The following SAMSN1 variants were observed in gnomAD, a reference collection of about 807,000 sequenced individuals.
SAMSN1 encodes the protein SAM domain-containing protein SAMSN-1.
Under a neutral mutation model 42.0 loss-of-function variants are expected in SAMSN1, and 31 were observed. That is an observed-to-expected ratio of 0.74 (90% CI 0.55 to 1.00). The LOEUF (loss-of-function observed/expected upper bound fraction) is 1.00, where lower values mean the gene tolerates loss of function less well. Ranked by LOEUF, SAMSN1 falls within the 50% of genes least tolerant of loss-of-function variation. SAMSN1 has a pLI of 0.00. For synonymous variants in SAMSN1, 178 were observed against 151.9 expected (o/e 1.17, Z -1.26); for missense variants, 464 against 439.4 (o/e 1.06, Z -0.50).
In SAMSN1 at chr21:14,633,333, A is replaced by G. The variant is rs1983380582; in HGVS notation, c.156+9669T>C. Among the ~76,000 whole-genome samples, 3 of 152,232 alleles carry G rather than the reference A, an allele frequency of 2.0e-5. No individual in the cohort carries two copies. The South Asian group carries it at 6.2e-4, about 32-fold the overall frequency. ...CCTTCTGCACTACCAAAAGGAAAGTAATAGAGTTTAATGTTGGACAACGCT... is the reference window on the plus strand; with the variant it reads ...CCTTCTGCACTACCAAAAGGAAAGTGATAGAGTTTAATGTTGGACAACGCT... On this transcript the variant is annotated intron_variant, in intron 2 of 15. Transcript: ENST00000647101.
chr21:14,578,232 C>G (rs983568702), intron 2 of SAMSN1, among the ~76,000 whole-genome samples: 1 of 152,032 alleles, frequency 6.6e-6, no homozygotes, highest in Admixed American at 6.6e-5. Context: ...CTGAAACCAC[C>G]TTACAGAGTT....
intron 1 of SAMSN1, among the ~76,000 whole-genome samples, chr21:14,531,790 C>A (rs1015721465): frequency 3.9e-5 from 6 of 152,032 alleles, no homozygotes; most frequent in African/African-American, 1.4e-4. Context: ...AAAACAAAAT[C>A]CTTTTAACCA....
At chr21:14,556,742 T>C (rs1980774077) in intron 2 of SAMSN1, among the ~76,000 whole-genome samples, 2 of 152,164 alleles carry the variant, frequency 1.3e-5, no homozygotes, top group Non-Finnish European at 1.5e-5. Context: ...GCATGTGTTA[T>C]TTGTGGGAAG....
chr21:14,505,442 T>C (rs1349051107), intron 5 of SAMSN1, among the ~76,000 whole-genome samples: 8 of 152,200 alleles, frequency 5.3e-5, no homozygotes. Context: ...TGAGCAGGAA[T>C]AGTTACTGTT....
chr21:14,596,400 C>T (rs1172497893), intron 6 of SAMSN1, among the ~76,000 whole-genome samples: 1 of 152,044 alleles, frequency 6.6e-6, no homozygotes, highest in African/African-American at 2.4e-5. Context: ...CCTCAAAATA[C>T]TATTAGGTAG....
upstream of SAMSN1, among the ~76,000 whole-genome samples, chr21:14,586,666 G>T (rs1008379176): frequency 4.4e-4 from 67 of 152,148 alleles, no homozygotes; most frequent in Non-Finnish European, 9.1e-4. Flanking sequence ...AATTAACAGG[G>T]TGATTAGTGA....
intron 2 of SAMSN1, among the ~76,000 whole-genome samples, chr21:14,633,205 A>G (rs1051881239): frequency 2.0e-5 from 3 of 152,020 alleles, no homozygotes; most frequent in African/African-American, 7.3e-5. Flanking sequence ...CTACACACAC[A>G]CACATACACA....
chr21:14,583,999 A>T (rs1312450183), upstream of SAMSN1, among the ~76,000 whole-genome samples: 4 of 149,122 alleles, frequency 2.7e-5, no homozygotes, highest in East Asian at 2.0e-4. Flanking sequence ...TGGTTTTACC[A>T]TTTTTTTTTT....
intron 7 of SAMSN1, among the ~76,000 whole-genome samples, chr21:14,590,951 A>T (rs1982065952): frequency 6.6e-6 from 1 of 152,206 alleles, no homozygotes; most frequent in Non-Finnish European, 1.5e-5. Flanking sequence ...TATGAACTAG[A>T]ATTGATCAAT....
intron 7 of SAMSN1, among the ~76,000 whole-genome samples, chr21:14,489,396 A>AT (rs1312217704): frequency 6.6e-6 from 1 of 152,176 alleles, no homozygotes; most frequent in East Asian, 1.9e-4. Context: ...GAAAACACAC[A>AT]TACGCATATA....
At chr21:14,579,641 C>CTTTTTTTTT (rs1247868810) in intron 2 of SAMSN1, among the ~76,000 whole-genome samples, 4 of 89,138 alleles carry the variant, frequency 4.5e-5, no homozygotes, top group African/African-American at 1.4e-4. Context: ...AAAATGCTCA[C>CTTTTTTTTT]TTTTTTTTTT....
chr21:14,644,287 G>A (rs1164913507), intron 1 of SAMSN1, among the ~76,000 whole-genome samples: 5 of 151,942 alleles, frequency 3.3e-5, no homozygotes, highest in Non-Finnish European at 1.5e-5. Flanking sequence ...AGGAGAGACG[G>A]AAGTGTAGGG....
At position 14,616,166 on chromosome 21, in the gene SAMSN1, T is replaced by C. The variant is rs1982831727; in HGVS notation, c.157-150A>G. 5 of 333,320 alleles carry C rather than the reference T, an allele frequency of 1.5e-5. No homozygotes were observed. The East Asian group carries it at 2.3e-4, about 15-fold the overall frequency. 20.6% of individuals were successfully genotyped at this position (333,320 alleles called of 1,614,324 possible). ...TTTTCCCTAGTGAAAAAGACTGATA[T>C]GTCCCCTGTTGTATTTTAGTAATGT... On this transcript the variant is annotated intron_variant, in intron 2 of 15. Coordinates refer to the SAMSN1 transcript ENST00000647101.
At chr21:14,621,578 G>T (rs1176351124) in intron 2 of SAMSN1, among the ~76,000 whole-genome samples, 1 of 152,208 alleles carries the variant, frequency 6.6e-6, no homozygotes, top group Admixed American at 6.5e-5. Context: ...GAACTGCAAG[G>T]TCACAGAGAG....
intron 1 of SAMSN1, among the ~76,000 whole-genome samples, chr21:14,526,471 C>G (rs563364630): frequency 6.6e-6 from 1 of 152,232 alleles, no homozygotes; most frequent in South Asian, 2.1e-4. Flanking sequence ...TCTATGCAAT[C>G]TAATGAGTAA....
At chr21:14,573,646 G>T (rs1037552536) in intron 2 of SAMSN1, among the ~76,000 whole-genome samples, 6 of 152,128 alleles carry the variant, frequency 3.9e-5, no homozygotes, top group African/African-American at 1.2e-4. Context: ...AAATTAGAAA[G>T]AAACCTTTAT....
intron 6 of SAMSN1, among the ~76,000 whole-genome samples, chr21:14,594,270 T>G (rs1203442919): frequency 6.6e-6 from 1 of 152,174 alleles, no homozygotes; most frequent in Non-Finnish European, 1.5e-5. Flanking sequence ...TACACATATA[T>G]AGACAAATAT....
chr21:14,526,800 C>T (rs974769366), intron 1 of SAMSN1, among the ~76,000 whole-genome samples: 1 of 152,124 alleles, frequency 6.6e-6, no homozygotes, highest in Non-Finnish European at 1.5e-5. Flanking sequence ...GAAACTAACT[C>T]GGTTTCCTAG....
intron 4 of SAMSN1, 151 bp downstream of exon 4, chr21:14,512,293 A>G: frequency 1.3e-6 from 1 of 788,484 alleles, no homozygotes; most frequent in Non-Finnish European, 2.0e-6. Flanking sequence ...TTTAAACAAT[A>G]GCAACTCTAT....
Sources: gnomAD v4.1 joint callset for allele counts (sites outside exome capture counted in the v4.1 genomes callset) on GRCh38, gnomAD v4.1.1 for gene constraint, MANE v1.5 for transcripts, NCBI Gene and HGNC (gene_info 2026-07-23, HGNC 2026-07-21) for gene names.